CDH11: variants seen among roughly 807,000 people sequenced by gnomAD.
The protein encoded by CDH11 is cadherin 11.
A neutral mutation model predicts 67.8 loss-of-function variants in CDH11; 11 were observed. The ratio of observed to expected loss-of-function variants is 0.16; its 90% CI spans 0.10 to 0.27. The LOEUF (loss-of-function observed/expected upper bound fraction) is 0.27. CDH11 is among the 10% of genes least tolerant of loss of function. The probability of loss-of-function intolerance (pLI) is 1.00; values close to 1 mark genes in which losing one functional copy is unlikely to be tolerated. For synonymous variants in CDH11, 419 were observed against 400.0 expected (o/e 1.05, Z -0.57); for missense variants, 847 against 1,031.2 (o/e 0.82, Z 2.45).
chr16:65,073,981 A>G lies in CDH11; in HGVS notation c.-297-20053T>C, dbSNP rs73581632. Among the ~76,000 whole-genome samples, 235 of 152,330 alleles carry G rather than the reference A, an allele frequency of 1.5e-3. 1 individual carries two copies. The highest frequency in any genetic ancestry group is 5.3e-3 in the African/African-American group (222 of 41,576). The stretch of plus-strand genomic sequence containing the variant: ...TTTTTGATGTCATGGTTGTTTTCAG[A>G]TAACTTGGAAACTCTTTCATTATTC... On this transcript the variant is annotated intron_variant, in intron 1 of 12. Coordinates refer to ENST00000268603, the MANE Select transcript of CDH11 (RefSeq NM_001797.4).
chr16:65,013,084 T>C (rs1272773394), intron 2 of CDH11, among the ~76,000 whole-genome samples: 2 of 152,188 alleles, frequency 1.3e-5, no homozygotes, highest in Admixed American at 6.5e-5. Flanking sequence ...CTGCAGGGGC[T>C]TGTGAGTCTG....
At chr16:64,961,215 G>A (rs933019957) in intron 11 of CDH11, among the ~76,000 whole-genome samples, 7 of 152,046 alleles carry the variant, frequency 4.6e-5, no homozygotes, top group Middle Eastern at 3.2e-3. Context: ...CATCAAGGAC[G>A]GAGAAGGCCA....
At chr16:65,089,282 T>G (rs2074752403) in intron 1 of CDH11, among the ~76,000 whole-genome samples, 1 of 152,032 alleles carries the variant, frequency 6.6e-6, no homozygotes, top group South Asian at 2.1e-4. Flanking sequence ...GATTTAAACT[T>G]CTCTGAGCAT....
intron 2 of CDH11, among the ~76,000 whole-genome samples, chr16:65,022,241 A>G (rs1429332442): frequency 3.2e-5 from 1 of 30,866 alleles, no homozygotes; most frequent in East Asian, 4.5e-3. Context: ...AAGAAAACCA[A>G]TTTAAAAAAA....
chr16:64,980,446 C>T (rs16968272), intron 8 of CDH11, among the ~76,000 whole-genome samples: 1,956 of 152,076 alleles, frequency 0.013, 45 homozygotes, highest in African/African-American at 0.045. Flanking sequence ...GAAGGACATC[C>T]GATACATCTC....
At chr16:65,045,345 A>ATATATATC (rs1488080313) in intron 2 of CDH11, among the ~76,000 whole-genome samples, 1 of 76,602 alleles carries the variant, frequency 1.3e-5, no homozygotes, top group Non-Finnish European at 2.6e-5. Flanking sequence ...ATATATATAT[A>ATATATATC]TATATATATA....
In CDH11 at chr16:65,053,944, G is replaced by T. The variant is rs1447961862; in HGVS notation, c.-297-16C>A. On this transcript the variant is annotated splice_polypyrimidine_tract_variant and intron_variant, in intron 1 of 12. Coordinates refer to ENST00000268603, the MANE Select transcript of CDH11 (RefSeq NM_001797.4). ...ACAGTGATTTCTGCAAAAAGTGAAAGGATCATTAGTAACCTAGTGGTGCCA... is the reference window on the plus strand; with the variant it reads ...ACAGTGATTTCTGCAAAAAGTGAAATGATCATTAGTAACCTAGTGGTGCCA... 2.2e-6 allele frequency: 1 copy of T among 455,826 alleles called. No individual in the cohort carries two copies. Among genetic ancestry groups the T allele is most frequent in the Non-Finnish European group, 4.4e-6 (1 of 226,760 alleles). The allele number at this position is 455,826 out of a possible 1,614,324, so 28.2% of individuals were successfully genotyped here.
At chr16:64,966,779 T>G (rs2071841545) in intron 11 of CDH11, among the ~76,000 whole-genome samples, 1 of 152,162 alleles carries the variant, frequency 6.6e-6, no homozygotes, top group Admixed American at 6.5e-5. Flanking sequence ...ACATCTCTAC[T>G]TAAGACTACA....
intron 11 of CDH11, among the ~76,000 whole-genome samples, chr16:64,957,167 C>T (rs1036693308): frequency 2.6e-5 from 4 of 152,084 alleles, no homozygotes; most frequent in Non-Finnish European, 5.9e-5. Flanking sequence ...TTCCCTAAGG[C>T]TCTGCAGATG....
At chr16:65,058,345 C>A (rs1390274463) in intron 1 of CDH11, among the ~76,000 whole-genome samples, 1 of 152,144 alleles carries the variant, frequency 6.6e-6, no homozygotes, top group Non-Finnish European at 1.5e-5. Context: ...GTTGTATAAA[C>A]AAGTGAAATA....
At chr16:65,080,667 A>G (rs1038508559) in intron 1 of CDH11, among the ~76,000 whole-genome samples, 3 of 152,216 alleles carry the variant, frequency 2.0e-5, no homozygotes, top group South Asian at 2.1e-4. Context: ...CCTCTTTTCT[A>G]TGGGAGCAAT....
chr16:65,101,826 T>C (rs1179505297), intron 1 of CDH11, among the ~76,000 whole-genome samples: 2 of 152,234 alleles, frequency 1.3e-5, no homozygotes, highest in Non-Finnish European at 2.9e-5. Context: ...ATACTGTGTC[T>C]ACCTTGTCAA....
chr16:65,096,637 C>T (rs1327991128), intron 1 of CDH11, among the ~76,000 whole-genome samples: 5 of 149,492 alleles, frequency 3.3e-5, no homozygotes, highest in Non-Finnish European at 3.0e-5. Flanking sequence ...ATAGATTTGG[C>T]ATATGTATTA....
rs185144017 is a variant in CDH11, at chr16:65,098,537, T to C, written c.-298+23343A>G. ...TCAAGTGTGTGTGTGTGTGTGTGTG[T>C]GCGTGTGTTTTAGAGACAGGGTCTC... On this transcript the variant is annotated intron_variant, in intron 1 of 12. Transcript: ENST00000268603. Among the ~76,000 whole-genome samples the C allele has an allele frequency of 3.6e-3, 539 of 150,858 alleles. 1 individual carries two copies. The highest frequency in any genetic ancestry group is 0.012 in the African/African-American group (502 of 40,540).
At chr16:64,960,797 A>T (rs1412054615) in intron 11 of CDH11, among the ~76,000 whole-genome samples, 1 of 152,154 alleles carries the variant, frequency 6.6e-6, no homozygotes, top group Non-Finnish European at 1.5e-5. Context: ...TTTCAGTTAA[A>T]TACATAGGAA....
At chr16:65,089,571 C>T (rs1186964668) in intron 1 of CDH11, among the ~76,000 whole-genome samples, 1 of 152,036 alleles carries the variant, frequency 6.6e-6, no homozygotes, top group African/African-American at 2.4e-5. Flanking sequence ...GGATGTGTAA[C>T]TGCTAGTTAT....
chr16:65,078,382 T>A (rs2074552511), intron 1 of CDH11, among the ~76,000 whole-genome samples: 1 of 152,182 alleles, frequency 6.6e-6, no homozygotes, highest in Non-Finnish European at 1.5e-5. Flanking sequence ...TCTGGTGGCA[T>A]CAGGCATATG....
intron 2 of CDH11, among the ~76,000 whole-genome samples, chr16:65,051,647 G>C (rs1156798539): frequency 6.6e-6 from 1 of 152,148 alleles, no homozygotes; most frequent in African/African-American, 2.4e-5. Flanking sequence ...CCCCAAGTGT[G>C]AAGGGAGGGA....
chr16:64,999,074 A>G (rs1254814822), intron 3 of CDH11, among the ~76,000 whole-genome samples: 2 of 152,186 alleles, frequency 1.3e-5, no homozygotes, highest in African/African-American at 4.8e-5. Context: ...TCAAATATAT[A>G]TATTTTTAAT....
Sources: allele counts gnomAD v4.1 joint callset (sites outside exome capture counted in the v4.1 genomes callset), GRCh38; gene constraint gnomAD v4.1.1; transcripts MANE v1.5; gene names NCBI Gene and HGNC (gene_info 2026-07-23, HGNC 2026-07-21).